Variants in TULP3 observed in about 807,000 individuals in gnomAD.
The protein encoded by TULP3 is tubby-related protein 3.
A neutral mutation model predicts 50.7 loss-of-function variants in TULP3; 38 were observed. The observed-to-expected ratio is 0.75, with a 90% CI of 0.58 to 0.98. TULP3 has a LOEUF of 0.98. Among genes scored for constraint, TULP3 ranks in the 50% least tolerant of loss-of-function variants. The pLI is 0.00. For synonymous variants in TULP3, 183 were observed against 196.6 expected (o/e 0.93, Z 0.58); for missense variants, 550 against 568.0 (o/e 0.97, Z 0.32).
chr12:2,938,267 A>G lies in TULP3; in HGVS notation c.1177A>G (p.Ile393Val). The G allele has an allele frequency of 3.7e-6, 6 of 1,614,084 alleles. No homozygotes were observed. Among genetic ancestry groups the G allele is most frequent in the South Asian group, 1.1e-5 (1 of 91,050 alleles). The change falls in exon 10 of 11, where the codon ATA (isoleucine) becomes GTA (valine). Residue 393 changes from isoleucine to valine, a missense_variant. By Grantham distance (29) the Ile-to-Val change is conservative. Coordinates refer to ENST00000448120, the MANE Select transcript of TULP3 (RefSeq NM_003324.5). ...TCAGGCGTCTGTGAAGAACTTCCAG[A>G]TAGTCCACAAAAATGACCGTAAGCC... The part of the protein sequence containing the change: ...VTQASVKNFQ[I>V]VHKNDPDYIV...
At position 2,939,413 on chromosome 12, in the gene TULP3, C is replaced by G. The variant is rs747119742; in HGVS notation, c.1298C>G (p.Ser433Cys). 6.2e-7 allele frequency: 1 copy of G among 1,614,164 alleles called. No homozygotes were observed. ...CAVQAFGIGL[S>C]SFDSKLACE ...GTACAGGCCTTTGGCATCGGTCTTT[C>G]TAGCTTTGACAGTAAGCTGGCGTGT... Residue 433 changes from serine (S) to cysteine (C), a missense_variant, in exon 11 of 11, where the codon TCT (serine) becomes TGT (cysteine). Physicochemically the swap from Ser to Cys is moderately radical, Grantham distance 112 (BLOSUM62 -1). Transcript: ENST00000448120. This position sits in a 1 kb window ranked among gnomAD's most constrained non-coding sequence, Gnocchi z 4.0.
chr12:2,913,185 A>G (rs894646095), intron 2 of TULP3, among the ~76,000 whole-genome samples: 3 of 145,582 alleles, frequency 2.1e-5, no homozygotes, highest in Non-Finnish European at 3.0e-5. Flanking sequence ...TACCCTAATG[A>G]CTAATTATGT....
intron 5 of TULP3, 36 bp from the exon 6 acceptor site, chr12:2,931,001 C>T (rs200016547): frequency 4.4e-5 from 71 of 1,609,494 alleles, no homozygotes; most frequent in Non-Finnish European, 5.4e-5. Flanking sequence ...TTTTGAGTCT[C>T]GGCCTGTTGT....
chr12:2,929,294 G>A (rs1284147721), intron 4 of TULP3, among the ~76,000 whole-genome samples: 1 of 152,014 alleles, frequency 6.6e-6, no homozygotes, highest in Non-Finnish European at 1.5e-5. Context: ...TCCAGCCTGG[G>A]CGACAGAGCG....
intron 2 of TULP3, among the ~76,000 whole-genome samples, chr12:2,917,831 C>T (rs867292104): frequency 2.0e-4 from 31 of 151,394 alleles, no homozygotes; most frequent in African/African-American, 2.4e-4. Flanking sequence ...GAGCCGAGAT[C>T]GCGCCACTGC....
intron 1 of TULP3, among the ~76,000 whole-genome samples, chr12:2,909,149 A>G (rs1453493419): frequency 1.3e-5 from 2 of 152,242 alleles, no homozygotes; most frequent in Admixed American, 6.5e-5. Context: ...GTAAAAAATA[A>G]TGGTACCTAG....
chr12:2,893,834 A>G (rs1488734627), intron 1 of TULP3, among the ~76,000 whole-genome samples: 9 of 150,048 alleles, frequency 6.0e-5, no homozygotes, highest in African/African-American at 2.0e-4. Context: ...TGTAGAGACA[A>G]GGTCTCACTA....
intron 1 of TULP3, among the ~76,000 whole-genome samples, chr12:2,904,170 T>G (rs2098180910): frequency 6.6e-6 from 1 of 152,184 alleles, no homozygotes; most frequent in Admixed American, 6.6e-5. Flanking sequence ...TCACAGGCCT[T>G]ATTTGAATTT....
chr12:2,925,708 C>G (rs903116072), intron 4 of TULP3, among the ~76,000 whole-genome samples: 5 of 152,264 alleles, frequency 3.3e-5, no homozygotes, highest in Admixed American at 1.3e-4. Flanking sequence ...GAAAGATATG[C>G]GTTGGACAGA....
chr12:2,931,189 G>A lies in TULP3; in HGVS notation c.645G>A (p.Arg215=), dbSNP rs1300130294. 1 of 1,614,168 alleles carries A rather than the reference G, an allele frequency of 6.2e-7. No individual in the cohort carries two copies. Among genetic ancestry groups the A allele is most frequent in the Non-Finnish European group, 8.5e-7 (1 of 1,180,034 alleles). ...RIIRDKRGMD[R]GLFPTYYMYL... is the part of the protein sequence containing the mutation. Reference sequence around the variant, plus strand: ...TCCGGGATAAAAGGGGAATGGATCGGGGTCTCTTCCCCACCTACTATATGT... The same window carrying A: ...TCCGGGATAAAAGGGGAATGGATCGAGGTCTCTTCCCCACCTACTATATGT... The change falls in exon 6 of 11, where the codon CGG becomes CGA. Residue 215 remains arginine (R), a synonymous_variant. Coordinates refer to ENST00000448120, the MANE Select transcript of TULP3 (RefSeq NM_003324.5).
chr12:2,932,623 G>C (rs889709351), intron 6 of TULP3, among the ~76,000 whole-genome samples: 1 of 150,386 alleles, frequency 6.6e-6, no homozygotes, highest in South Asian at 2.1e-4. Flanking sequence ...AGAATGGGAA[G>C]GTTTTCAGGA....
intron 1 of TULP3, among the ~76,000 whole-genome samples, chr12:2,892,031 T>C (rs187700066): frequency 1.2e-4 from 19 of 152,178 alleles, no homozygotes; most frequent in African/African-American, 4.3e-4. Flanking sequence ...AACTCCTGTG[T>C]TGGGCCACTG....
intron 7 of TULP3, among the ~76,000 whole-genome samples, chr12:2,933,908 C>G (rs1464601827): frequency 6.6e-6 from 1 of 151,988 alleles, no homozygotes; most frequent in African/African-American, 2.4e-5. Context: ...CAAGATAGTG[C>G]CACTGCACCC....
In TULP3 at chr12:2,940,609, A is replaced by T; in HGVS notation, c.*1165A>T. On this transcript the variant is annotated 3_prime_UTR_variant, in exon 11 of 11. Transcript: ENST00000448120. ...ATTCAGCTGCATCCCTTGTGCACAG[A>T]ACTGTTTGCCAGCGTTGGGTGGGAC... 6.4e-7 allele frequency: 1 copy of T among 1,551,680 alleles called. No individual in the cohort carries two copies. The highest frequency in any genetic ancestry group is 8.7e-7 in the Non-Finnish European group (1 of 1,146,992).
At position 2,937,200 on chromosome 12, in the gene TULP3, A is replaced by ATTTTTTTTTTTTTTTTTTTTTTTTT. The variant is rs771074689; in HGVS notation, c.925-424_925-400dup. The stretch of plus-strand genomic sequence containing the variant: ...AATAAAATTATTTTTGGTACACCTG[A>ATTTTTTTTTTTTTTTTTTTTTTTTT]TTTTTTTTTTTTTTTTTTTTTTTTT... On this transcript the variant is annotated intron_variant, in intron 8 of 10. Coordinates refer to ENST00000448120, the MANE Select transcript of TULP3 (RefSeq NM_003324.5). Among the ~76,000 whole-genome samples the ATTTTTTTTTTTTTTTTTTTTTTTTT allele has an allele frequency of 3.7e-5, 2 of 54,446 alleles. 1 individual carries two copies. The highest frequency in any genetic ancestry group is 1.5e-4 in the African/African-American group (2 of 13,430). 35.7% of individuals were successfully genotyped at this position (54,446 alleles called of 152,430 possible). A position where few individuals can be genotyped will look rare whatever the true frequency, so the allele number is the denominator to read the frequency against.
intron 10 of TULP3, among the ~76,000 whole-genome samples, chr12:2,938,981 C>A (rs2098203114): frequency 1.3e-5 from 2 of 152,130 alleles, no homozygotes; most frequent in Admixed American, 6.5e-5. Context: ...GATCCCAGCA[C>A]TTTGGGAGGC....
intron 1 of TULP3, among the ~76,000 whole-genome samples, chr12:2,896,175 A>G (rs923356519): frequency 2.6e-5 from 4 of 151,996 alleles, no homozygotes; most frequent in African/African-American, 9.7e-5. Context: ...CCTGACCTCA[A>G]GTGATCCACC....
chr12:2,935,365 T>C (rs2098200469), intron 8 of TULP3, among the ~76,000 whole-genome samples: 1 of 152,236 alleles, frequency 6.6e-6, no homozygotes, highest in African/African-American at 2.4e-5. Flanking sequence ...TGCGTCCTTG[T>C]AGCATTTGTA....
At chr12:2,930,472 G>A in intron 5 of TULP3, 127 bp downstream of exon 5, 1 of 593,062 alleles carries the variant, frequency 1.7e-6, no homozygotes, top group Non-Finnish European at 2.8e-6. Context: ...CACCCAGGCT[G>A]GAGTGCAGTG....
Sources: allele counts gnomAD v4.1 joint callset (sites outside exome capture counted in the v4.1 genomes callset), GRCh38; gene constraint gnomAD v4.1.1; non-coding constraint Gnocchi (gnomAD v3.1); transcripts MANE v1.5; gene names NCBI Gene and HGNC (gene_info 2026-07-23, HGNC 2026-07-21).